Variants in SRPRA observed in about 807,000 individuals in gnomAD.
SRPRA encodes signal recognition particle receptor subunit alpha.
A neutral mutation model predicts 61.1 loss-of-function variants in SRPRA; 30 were observed. The observed-to-expected ratio is 0.49, with a 90% confidence interval of 0.37 to 0.67. SRPRA has a LOEUF of 0.67. SRPRA is among the 30% of genes least tolerant of loss of function. The probability of loss-of-function intolerance (pLI) is 0.00; values close to 1 mark genes in which losing one functional copy is unlikely to be tolerated. For synonymous variants in SRPRA, 324 were observed against 299.7 expected, an observed-to-expected ratio of 1.08 and a Z score of -0.84; for missense variants, 759 against 828.4, an observed-to-expected ratio of 0.92 and a Z score of 1.03.
the SRPRA span, chr11:126,256,935 T>C: frequency 8.0e-6 from 11 of 1,381,816 alleles, no homozygotes; most frequent in African/African-American, 2.9e-5. The surrounding 1 kb of genome is among the most constrained non-coding windows in gnomAD (Gnocchi z 6.6). Context: ...ATGGGCAAAA[T>C]AGTTGCCAAG....
chr11:126,268,731 C>T lies in SRPRA; in HGVS notation c.74G>A (p.Cys25Tyr). The T allele has an allele frequency of 1.9e-6, 3 of 1,613,902 alleles. No individual in the cohort carries two copies. The highest frequency in any genetic ancestry group is 2.5e-6 in the Non-Finnish European group (3 of 1,180,026). Residue 25 changes from cysteine (C) to tyrosine (Y), a missense_variant, in exon 1 of 14, where the codon TGC (cysteine) becomes TAC (tyrosine). Physicochemically the swap from Cys to Tyr is radical, Grantham distance 194. Around this residue, in one of 2 missense-constraint regions of SRPRA, gnomAD observed 475 missense variants for 462.5 expected, o/e 1.03. Transcript: ENST00000332118. ...LWCFQGVSDS[C>Y]TGPVNALIRS... ...AATCAACGCGTTAACGGGTCCGGTG[C>T]ATGAGTCGCTAACGCCCTGGAAGCA... is the stretch of plus-strand genomic sequence containing the variant.
chr11:126,268,333 A>T (rs542365209), intron 1 of SRPRA, among the ~76,000 whole-genome samples: 29 of 152,330 alleles, frequency 1.9e-4, no homozygotes, highest in African/African-American at 6.7e-4. Flanking sequence ...CATGTAAACA[A>T]TCAGATTACT....
At chr11:126,250,458 C>G in the SRPRA span, 1 of 1,334,786 alleles carries the variant, frequency 7.5e-7, no homozygotes. This position sits in a 1 kb window ranked among gnomAD's most constrained non-coding sequence, Gnocchi z 5.1. Flanking sequence ...AACAACTGAC[C>G]TACCAAAGCA....
chr11:126,251,681 T>A, the SRPRA span, among the ~76,000 whole-genome samples: 5 of 152,166 alleles, frequency 3.3e-5, no homozygotes, highest in African/African-American at 1.2e-4. Context: ...TTATTTTTTT[T>A]ATCCAGTCTC....
At chr11:126,238,100 G>A in the SRPRA span, among the ~76,000 whole-genome samples, 10 of 152,052 alleles carry the variant, frequency 6.6e-5, no homozygotes, top group East Asian at 1.9e-4. Flanking sequence ...GGTGGCTCAC[G>A]CCTGTAATCC....
the SRPRA span, among the ~76,000 whole-genome samples, chr11:126,238,870 G>A: frequency 5.3e-5 from 8 of 150,394 alleles, no homozygotes; most frequent in Non-Finnish European, 4.4e-5. Context: ...TACTTTTTAG[G>A]TATATATACC....
chr11:126,260,966 G>C (rs932449752), downstream of SRPRA: 4 of 155,520 alleles, frequency 2.6e-5, no homozygotes, highest in Admixed American at 1.3e-4. Flanking sequence ...TTTTTAATTT[G>C]AAACCAAGTA....
At chr11:126,266,739 G>A (rs761096932) in intron 5 of SRPRA, 24 bp downstream of exon 5, 1 of 1,612,546 alleles carries the variant, frequency 6.2e-7, no homozygotes, top group Non-Finnish European at 8.5e-7. Flanking sequence ...AGTATTTTGA[G>A]AGTACTGGAG....
the SRPRA span, among the ~76,000 whole-genome samples, chr11:126,253,006 A>G: frequency 3.3e-5 from 5 of 152,210 alleles, no homozygotes; most frequent in African/African-American, 9.6e-5. This position sits in a 1 kb window ranked among gnomAD's most constrained non-coding sequence, Gnocchi z 5.1. Flanking sequence ...CTGTGCTCCA[A>G]TCTGGGCAAC....
the SRPRA span, among the ~76,000 whole-genome samples, chr11:126,248,458 C>CCT: frequency 7.4e-6 from 1 of 135,534 alleles, no homozygotes; most frequent in African/African-American, 2.7e-5. Flanking sequence ...ACAACCTCTG[C>CCT]CTCCCGGATT....
the SRPRA span, among the ~76,000 whole-genome samples, chr11:126,252,026 G>A: frequency 6.6e-6 from 1 of 151,494 alleles, no homozygotes; most frequent in South Asian, 2.1e-4. This position sits in a 1 kb window ranked among gnomAD's most constrained non-coding sequence, Gnocchi z 4.7. Flanking sequence ...TGCTCTTGTC[G>A]CCCAGGCTGA....
the SRPRA span, among the ~76,000 whole-genome samples, chr11:126,241,985 A>G: frequency 6.8e-6 from 1 of 146,310 alleles, no homozygotes; most frequent in African/African-American, 2.5e-5. Flanking sequence ...CGGTCGCGCC[A>G]CTGCACTCCA....
In SRPRA at chr11:126,265,817, TTC is replaced by T; in HGVS notation, c.1056_1057del (p.Asn353ArgfsTer11). 1 of 1,614,250 alleles carries T rather than the reference TTC, an allele frequency of 6.2e-7. No individual in the cohort carries two copies. The highest frequency in any genetic ancestry group is 8.5e-7 in the Non-Finnish European group (1 of 1,180,038). ...CTGGACGGCAATGTCTGCAGCCACG[TTC>T]TTAGCTGAGGAGAGGGGGACAGGTA... is the stretch of plus-strand genomic sequence containing the variant. On this transcript the variant is annotated frameshift_variant, in exon 9 of 14. Coordinates refer to ENST00000332118, the MANE Select transcript of SRPRA (RefSeq NM_003139.4). LOFTEE classifies it high-confidence loss of function. This position sits in a 1 kb window ranked among gnomAD's most constrained non-coding sequence, Gnocchi z 6.3.
At chr11:126,252,991 C>T in the SRPRA span, among the ~76,000 whole-genome samples, 22 of 152,154 alleles carry the variant, frequency 1.4e-4, 1 homozygote, top group Admixed American at 1.1e-3. This position sits in a 1 kb window ranked among gnomAD's most constrained non-coding sequence, Gnocchi z 4.7. Flanking sequence ...GCCAAGATTG[C>T]GCCACTGTGC....
chr11:126,256,971 T>C, the SRPRA span: 7 of 1,042,948 alleles, frequency 6.7e-6, no homozygotes, highest in Middle Eastern at 6.1e-4. The surrounding 1 kb of genome is among the most constrained non-coding windows in gnomAD (Gnocchi z 6.6). Context: ...ACTGACCAAA[T>C]TGTAAAGGAG....
At chr11:126,253,731 T>G in the SRPRA span, among the ~76,000 whole-genome samples, 3 of 152,164 alleles carry the variant, frequency 2.0e-5, no homozygotes, top group Admixed American at 2.0e-4. This position sits in a 1 kb window ranked among gnomAD's most constrained non-coding sequence, Gnocchi z 5.1. Context: ...GGACCATACT[T>G]CCCTGCAAGC....
At chr11:126,253,241 T>A in the SRPRA span, among the ~76,000 whole-genome samples, 1 of 152,180 alleles carries the variant, frequency 6.6e-6, no homozygotes, top group East Asian at 1.9e-4. This position sits in a 1 kb window ranked among gnomAD's most constrained non-coding sequence, Gnocchi z 5.1. Flanking sequence ...TCAGCCCACA[T>A]TAGGGGCAGT....
chr11:126,261,128 G>A (rs1316143935), downstream of SRPRA: 1 of 330,466 alleles, frequency 3.0e-6, no homozygotes, highest in East Asian at 5.6e-5. Flanking sequence ...ACTGTTTAGG[G>A]ACAGCAGACA....
the SRPRA span, among the ~76,000 whole-genome samples, chr11:126,237,386 A>G: frequency 6.8e-6 from 1 of 147,580 alleles, no homozygotes; most frequent in African/African-American, 2.5e-5. Flanking sequence ...ACACCTGGCT[A>G]ATTTTTATTT....
Sources: gnomAD v4.1 joint callset for allele counts (sites outside exome capture counted in the v4.1 genomes callset) on GRCh38, gnomAD v4.1.1 for gene constraint, gnomAD v4.1.1 regional missense constraint, Gnocchi (gnomAD v3.1) non-coding constraint, MANE v1.5 for transcripts, NCBI Gene and HGNC (gene_info 2026-07-23, HGNC 2026-07-21) for gene names.